The following ANKRD30A variants were observed in gnomAD, a reference collection of about 807,000 sequenced individuals.
ANKRD30A encodes the protein ankyrin repeat domain-containing protein 30A.
A neutral mutation model predicts 166.3 loss-of-function variants in ANKRD30A; 170 were observed. The observed-to-expected ratio is 1.02, with a 90% CI of 0.90 to 1.16. The LOEUF (loss-of-function observed/expected upper bound fraction) is 1.16, where lower values mean the gene tolerates loss of function less well. Among genes scored for constraint, ANKRD30A ranks in the 50% most tolerant of loss-of-function variants. The pLI is 0.00. For missense variants in ANKRD30A, 1,630 were observed against 1,518.0 expected (o/e 1.07, Z -1.23); for synonymous variants, 564 against 508.9 (o/e 1.11, Z -1.46).
chr10:37,141,817 C>A lies in ANKRD30A; in HGVS notation c.920C>A (p.Ala307Glu), dbSNP rs547420743. The part of the protein sequence containing the change: ...SLVEKTPDEA[A>E]PLVERTPDTA... ...GTGGAAAAAACACCTGATGAGGCTG[C>A]ACCCTTGGTGGAAAGAACACCTGAC... The change falls in exon 7 of 36, where the codon GCA (alanine) becomes GAA (glutamate). Residue 307 changes from alanine to glutamate, a missense_variant. By Grantham distance (107) the Ala-to-Glu change is moderately radical. This residue lies in a region of ANKRD30A where 904 missense variants were observed against 818.5 expected (regional missense o/e 1.10). Transcript: ENST00000361713. The A allele has an allele frequency of 9.1e-5, 147 of 1,612,076 alleles. No individual in the cohort carries two copies. The highest frequency in any genetic ancestry group is 6.8e-4 in the Middle Eastern group (4 of 5,848).
the ANKRD30A span, chr10:37,248,326 T>C: frequency 4.1e-5 from 15 of 367,110 alleles, no homozygotes; most frequent in East Asian, 1.0e-3. Flanking sequence ...ATGAGATATC[T>C]GAAGCTTGAA....
rs1393903716 is a variant in ANKRD30A, at chr10:37,191,995, GC to G, written c.2513-1067del. Among the ~76,000 whole-genome samples, 3 of 151,966 alleles carry G rather than the reference GC, an allele frequency of 2.0e-5. No individual in the cohort carries two copies. The East Asian group carries it at 5.8e-4, about 29-fold the overall frequency. On this transcript the variant is annotated intron_variant, in intron 25 of 35. Transcript: ENST00000361713. Reference sequence around the variant, plus strand: ...TATGCAGGTGAATGATATATAAAAAGCCTCTGGAAGTTTACTTCTAGTTTTT... The same window carrying G: ...TATGCAGGTGAATGATATATAAAAAGCTCTGGAAGTTTACTTCTAGTTTTT...
chr10:37,195,448 A>T (rs1413741272), intron 27 of ANKRD30A, among the ~76,000 whole-genome samples: 1 of 152,132 alleles, frequency 6.6e-6, no homozygotes, highest in East Asian at 1.9e-4. Flanking sequence ...AAAATTCTCC[A>T]CGGCTTCACA....
intron 6 of ANKRD30A, among the ~76,000 whole-genome samples, chr10:37,136,904 G>A (rs1836734844): frequency 6.6e-6 from 1 of 150,882 alleles, no homozygotes; most frequent in Admixed American, 6.6e-5. Flanking sequence ...GAATTTAGTT[G>A]TAGGCAGTTT....
Position 37,215,087 on chromosome 10 carries a change from A to G in ANKRD30A, c.2870-1094A>G, listed in dbSNP as rs537149594. 3.8e-4 allele frequency among the ~76,000 whole-genome samples: 57 copies of G among 151,602 alleles called. 2 individuals carry two copies. Among genetic ancestry groups the G allele is most frequent in the Middle Eastern group, 3.4e-3 (1 of 294 alleles). On this transcript the variant is annotated intron_variant, in intron 31 of 35. Coordinates refer to ENST00000361713, the MANE Select transcript of ANKRD30A (RefSeq NM_052997.3). ...AATTTAGTTTTTAAAAGTATATTCT[A>G]TTGCTCTACTTATCTTCTTGATTTT...
chr10:37,179,025 T>TATAC (rs1839968509), intron 24 of ANKRD30A, among the ~76,000 whole-genome samples: 1 of 29,344 alleles, frequency 3.4e-5, no homozygotes, highest in Non-Finnish European at 9.4e-5. Flanking sequence ...TATATATATA[T>TATAC]ATATATATAT....
chr10:37,158,756 A>C (rs946154315), intron 15 of ANKRD30A, among the ~76,000 whole-genome samples, 170 bp downstream of exon 15: 3 of 152,218 alleles, frequency 2.0e-5, no homozygotes, highest in Non-Finnish European at 2.9e-5. Flanking sequence ...ATTTACAAGC[A>C]TAAGATTTAG....
rs937376792 is a variant in ANKRD30A at position 37,167,513 on chromosome 10, T to C, written c.2155+818T>C. ...TTTATGACTTGAATACCTAAATTGT[T>C]GTTATTCGTAGGTATTTTACTGATT... On this transcript the variant is annotated intron_variant, in intron 19 of 35. Transcript: ENST00000361713. 4.6e-5 allele frequency among the ~76,000 whole-genome samples: 7 copies of C among 151,768 alleles called. 1 individual carries two copies. The highest frequency in any genetic ancestry group is 3.9e-4 in the Admixed American group (6 of 15,250).
At chr10:37,254,683 C>CTTCTTTTTTTTTTTTTTTTTTTTTTTTT in the ANKRD30A span, among the ~76,000 whole-genome samples, 1 of 126,540 alleles carries the variant, frequency 7.9e-6, no homozygotes, top group African/African-American at 2.9e-5. Context: ...CTTTTCTTTT[C>CTTCTTTTTTTTTTTTTTTTTTTTTTTTT]TTTTTTTTTT....
At chr10:37,264,618 C>T in the ANKRD30A span, 1 of 332,512 alleles carries the variant, frequency 3.0e-6, no homozygotes, top group South Asian at 5.7e-5. Flanking sequence ...ATTCTCATTG[C>T]CCCAAATATG....
At chr10:37,241,400 G>T in the ANKRD30A span, 2 of 151,244 alleles carry the variant, frequency 1.3e-5, no homozygotes, top group South Asian at 4.2e-4. Context: ...TTCTTAAAAA[G>T]GATAATATTT....
At position 37,152,131 on chromosome 10, in the gene ANKRD30A, G is replaced by A. The variant is rs1470786910; in HGVS notation, c.1707+10G>A. 1.3e-6 allele frequency: 2 copies of A among 1,594,770 alleles called. No individual in the cohort carries two copies. Among genetic ancestry groups the A allele is most frequent in the Admixed American group, 1.7e-5 (1 of 59,162 alleles). On this transcript the variant is annotated intron_variant, in intron 12 of 35. Coordinates refer to ENST00000361713, the MANE Select transcript of ANKRD30A (RefSeq NM_052997.3). ...TTCTTGGGATTCTGAGGTACTATGT[G>A]TTATTGATTTTTTTTTAATATTAGT... is the stretch of plus-strand genomic sequence containing the variant.
At chr10:37,196,759 A>G (rs1449364060) in intron 27 of ANKRD30A, among the ~76,000 whole-genome samples, 1 of 152,178 alleles carries the variant, frequency 6.6e-6, no homozygotes. Context: ...GCATATGATT[A>G]CACCCTATGG....
chr10:37,265,586 C>T, the ANKRD30A span, among the ~76,000 whole-genome samples: 1 of 152,240 alleles, frequency 6.6e-6, no homozygotes, highest in African/African-American at 2.4e-5. Context: ...ACTGCCCAGG[C>T]CTGCCTGGGC....
intron 31 of ANKRD30A, among the ~76,000 whole-genome samples, chr10:37,203,331 A>G (rs532818814): frequency 6.6e-5 from 10 of 152,346 alleles, no homozygotes; most frequent in Admixed American, 2.0e-4. Context: ...CTGGTTCAAG[A>G]TATGCAAATC....
At chr10:37,228,003 T>C (rs886085425) in intron 34 of ANKRD30A, among the ~76,000 whole-genome samples, 4 of 151,996 alleles carry the variant, frequency 2.6e-5, no homozygotes, top group Non-Finnish European at 4.4e-5. Context: ...TGATCTTTTC[T>C]TGGTACAGTT....
At chr10:37,201,673 G>A (rs1004146599) in intron 31 of ANKRD30A, among the ~76,000 whole-genome samples, 5 of 152,076 alleles carry the variant, frequency 3.3e-5, no homozygotes, top group African/African-American at 1.2e-4. Context: ...ATATAATGGA[G>A]GATGATGAAA....
At position 37,125,796 on chromosome 10, in the gene ANKRD30A, G is replaced by C; in HGVS notation, c.9G>C (p.Glu3Asp). 8.6e-6 allele frequency: 6 copies of C among 696,012 alleles called. No homozygotes were observed. Among genetic ancestry groups the C allele is most frequent in the Admixed American group, 5.3e-5 (2 of 37,858 alleles). The allele number at this position is 696,012 out of a possible 1,614,324, so 43.1% of individuals were successfully genotyped here. A position where few individuals can be genotyped will look rare whatever the true frequency, so the allele number is the denominator to read the frequency against. ME[E>D]ISAAAVKVVP... is the part of the protein sequence containing the mutation. ...AGCAGGTGGCCGCAGCCATGGAGGA[G>C]ATCTCTGCCGCCGCTGTCAAGGTCG... Residue 3 changes from glutamate (E) to aspartate (D), a missense_variant, in exon 1 of 36, where the codon GAG (glutamate) becomes GAC (aspartate). Glu to Asp is a conservative substitution (Grantham distance 45). This residue lies in a region of ANKRD30A where 904 missense variants were observed against 818.5 expected (regional missense o/e 1.10). Coordinates refer to ENST00000361713, the MANE Select transcript of ANKRD30A (RefSeq NM_052997.3).
intron 31 of ANKRD30A, among the ~76,000 whole-genome samples, chr10:37,206,762 C>A (rs1429710026): frequency 6.6e-6 from 1 of 151,996 alleles, no homozygotes; most frequent in East Asian, 1.9e-4. Context: ...CCACTGCACT[C>A]CAGCCTGGGT....
Sources: allele counts gnomAD v4.1 joint callset (sites outside exome capture counted in the v4.1 genomes callset), GRCh38; gene constraint gnomAD v4.1.1; regional missense constraint gnomAD v4.1.1; transcripts MANE v1.5; gene names NCBI Gene and HGNC (gene_info 2026-07-23, HGNC 2026-07-21).